The following MAF variants were observed in gnomAD, a reference collection of about 807,000 sequenced individuals.
MAF encodes the protein MAF bZIP transcription factor.
Under a neutral mutation model 22.0 loss-of-function variants are expected in MAF, and 10 were observed. That is an observed-to-expected ratio of 0.45 (90% CI 0.28 to 0.77). The LOEUF (loss-of-function observed/expected upper bound fraction) is 0.77. MAF is among the 30% of genes least tolerant of loss of function. The pLI, the probability that MAF is intolerant of heterozygous loss-of-function variation, is 0.12. For synonymous variants in MAF, 337 were observed against 255.8 expected (o/e 1.32, Z -3.03); for missense variants, 544 against 548.4 (o/e 0.99, Z 0.08).
the MAF span, among the ~76,000 whole-genome samples, chr16:79,569,841 G>A: frequency 1.3e-5 from 2 of 152,152 alleles, no homozygotes; most frequent in African/African-American, 4.8e-5. Context: ...GCTGTCCCCG[G>A]CTCTTAGGGA....
At chr16:79,597,161 T>C (rs779600478) in intron 1 of MAF, 9 of 1,056,204 alleles carry the variant, frequency 8.5e-6, no homozygotes, top group Middle Eastern at 8.5e-4. Context: ...CCCCTTAACA[T>C]CACAATAGTA....
At chr16:79,217,891 A>T in the MAF span, among the ~76,000 whole-genome samples, 1 of 147,352 alleles carries the variant, frequency 6.8e-6, no homozygotes, top group South Asian at 2.2e-4. Flanking sequence ...AGGCCTGATG[A>T]CGTTCATCAA....
At chr16:79,406,280 T>A in the MAF span, among the ~76,000 whole-genome samples, 2 of 152,112 alleles carry the variant, frequency 1.3e-5, no homozygotes, top group African/African-American at 2.4e-5. Context: ...CAAGACAGAG[T>A]GGTCTGGCAC....
At chr16:79,534,478 G>A in the MAF span, among the ~76,000 whole-genome samples, 4 of 151,530 alleles carry the variant, frequency 2.6e-5, no homozygotes, top group African/African-American at 9.7e-5. Flanking sequence ...GAGTGTTGAT[G>A]AATTACATGC....
At chr16:79,580,769 T>C in the MAF span, among the ~76,000 whole-genome samples, 120 of 152,266 alleles carry the variant, frequency 7.9e-4, no homozygotes, top group Non-Finnish European at 1.3e-3. Flanking sequence ...CTTTTCATTT[T>C]CATTCTACTA....
Position 79,595,483 on chromosome 16 carries a change from G to T in MAF, c.1119-930C>A, listed in dbSNP as rs1037102875. On this transcript the variant is annotated intron_variant, in intron 1 of 1. Coordinates refer to ENST00000326043, the MANE Select transcript of MAF (RefSeq NM_005360.5). ...TGTTTGGCTGTATTTTCAAAACAGT[G>T]CTGGCTTTGTCTAACATTCTATTGG... The T allele has an allele frequency of 2.8e-6, 3 of 1,058,850 alleles. No individual in the cohort carries two copies. The African/African-American group carries it at 4.9e-5, about 17-fold the overall frequency. The allele number at this position is 1,058,850 out of a possible 1,614,324, so 65.6% of individuals were successfully genotyped here.
chr16:79,310,195 A>AGGG, the MAF span, among the ~76,000 whole-genome samples: 1 of 152,156 alleles, frequency 6.6e-6, no homozygotes, highest in Non-Finnish European at 1.5e-5. Context: ...GCATGAGGTC[A>AGGG]ATCCCTGACT....
the MAF span, among the ~76,000 whole-genome samples, chr16:79,228,495 G>T: frequency 6.6e-6 from 1 of 151,962 alleles, no homozygotes; most frequent in East Asian, 1.9e-4. Flanking sequence ...GGATAGGAAA[G>T]CTTCACAAAT....
the MAF span, among the ~76,000 whole-genome samples, chr16:79,209,517 C>G: frequency 6.6e-6 from 1 of 152,070 alleles, no homozygotes; most frequent in Non-Finnish European, 1.5e-5. Flanking sequence ...GCATAGAGGG[C>G]GGGAGGCTGG....
chr16:79,247,294 A>G, the MAF span, among the ~76,000 whole-genome samples: 1 of 152,370 alleles, frequency 6.6e-6, no homozygotes, highest in Non-Finnish European at 1.5e-5. Flanking sequence ...TCTTGAAATT[A>G]CTGGCATGTC....
the MAF span, among the ~76,000 whole-genome samples, chr16:79,240,477 A>G: frequency 1.5e-5 from 2 of 132,276 alleles, no homozygotes; most frequent in South Asian, 2.8e-4. Flanking sequence ...TTTGCCAACA[A>G]GCATCTCTGG....
the MAF span, among the ~76,000 whole-genome samples, chr16:79,237,216 G>C: frequency 6.6e-6 from 1 of 151,968 alleles, no homozygotes; most frequent in African/African-American, 2.4e-5. Flanking sequence ...CACGCAGTTG[G>C]TGTCCATGCA....
chr16:79,218,743 G>C, the MAF span, among the ~76,000 whole-genome samples: 4 of 152,316 alleles, frequency 2.6e-5, no homozygotes, highest in South Asian at 8.3e-4. Context: ...TTTAATTAGA[G>C]TGGAAATTCA....
the MAF span, among the ~76,000 whole-genome samples, chr16:79,538,533 G>T: frequency 6.6e-6 from 1 of 152,048 alleles, no homozygotes; most frequent in Non-Finnish European, 1.5e-5. Flanking sequence ...TATTAAACCT[G>T]ACTACACTTT....
the MAF span, among the ~76,000 whole-genome samples, chr16:79,437,649 C>T: frequency 6.6e-6 from 1 of 152,030 alleles, no homozygotes; most frequent in Non-Finnish European, 1.5e-5. Flanking sequence ...TGCCGGTCAC[C>T]CAGCTTCACC....
chr16:79,270,737 G>A, the MAF span, among the ~76,000 whole-genome samples: 1 of 152,128 alleles, frequency 6.6e-6, no homozygotes, highest in African/African-American at 2.4e-5. Context: ...CTGAAGTCCA[G>A]GCTTGGAAGG....
the MAF span, among the ~76,000 whole-genome samples, chr16:79,444,822 G>T: frequency 6.6e-6 from 1 of 152,044 alleles, no homozygotes; most frequent in African/African-American, 2.4e-5. Flanking sequence ...AGAGTCCATT[G>T]GAAATCCCAG....
At chr16:79,541,590 A>C in the MAF span, among the ~76,000 whole-genome samples, 1 of 152,118 alleles carries the variant, frequency 6.6e-6, no homozygotes, top group Non-Finnish European at 1.5e-5. Flanking sequence ...CAGCTGGTGA[A>C]AGACGAGACC....
chr16:79,321,785 C>CGACT, the MAF span, among the ~76,000 whole-genome samples: 2,413 of 151,608 alleles, frequency 0.016, 15 homozygotes, highest in Middle Eastern at 0.045. Context: ...CTAGTAGCTG[C>CGACT]GACTACAGGT....
Sources: gnomAD v4.1 joint callset for allele counts (sites outside exome capture counted in the v4.1 genomes callset) on GRCh38, gnomAD v4.1.1 for gene constraint, MANE v1.5 for transcripts, NCBI Gene and HGNC (gene_info 2026-07-23, HGNC 2026-07-21) for gene names.